USH2A: variants seen among roughly 807,000 people sequenced by gnomAD.
USH2A encodes usherin.
Under a neutral mutation model 538.9 loss-of-function variants are expected in USH2A, and 443 were observed. That is an observed-to-expected ratio of 0.82 (90% CI 0.76 to 0.89). USH2A has a LOEUF of 0.89. USH2A is among the 40% of genes least tolerant of loss of function. USH2A has a pLI of 0.00. For missense variants in USH2A, 6,633 were observed against 6,324.8 expected (o/e 1.05, Z -1.65); for synonymous variants, 2,413 against 2,273.5 (o/e 1.06, Z -1.75).
intron 15 of USH2A, among the ~76,000 whole-genome samples, chr1:216,214,277 A>G (rs999017440): frequency 6.6e-6 from 1 of 152,096 alleles, no homozygotes; most frequent in African/African-American, 2.4e-5. Context: ...TAGTAGACCA[A>G]TGCTGAAAAC....
chr1:215,691,709 G>A (rs1233958541), intron 61 of USH2A, among the ~76,000 whole-genome samples: 1 of 152,114 alleles, frequency 6.6e-6, no homozygotes, highest in Non-Finnish European at 1.5e-5. Context: ...CAGAGTCAAA[G>A]GCCTGCATCT....
At chr1:215,687,379 TCC>T (rs759091037) in intron 61 of USH2A, among the ~76,000 whole-genome samples, 5 of 151,478 alleles carry the variant, frequency 3.3e-5, no homozygotes, top group African/African-American at 9.7e-5. Context: ...GTTTTTTTTT[TCC>T]TCTCTTTAGA....
rs985871699 is a variant in USH2A at position 216,130,142 on chromosome 1, G to A, written c.4628-32929C>T. Reference sequence around the variant, plus strand: ...ACTGGAGAAACACTCCAGGACATTGGTTTGGGCAAAAATTTCTTTTATTTT... The same window carrying A: ...ACTGGAGAAACACTCCAGGACATTGATTTGGGCAAAAATTTCTTTTATTTT... On this transcript the variant is annotated intron_variant, in intron 21 of 71. Coordinates refer to ENST00000307340, the MANE Select transcript of USH2A (RefSeq NM_206933.4). 4.6e-5 allele frequency among the ~76,000 whole-genome samples: 7 copies of A among 151,960 alleles called. 1 individual carries two copies. Among genetic ancestry groups the A allele is most frequent in the Non-Finnish European group, 7.4e-5 (5 of 67,948 alleles).
chr1:216,125,851 C>T (rs1024753746), intron 21 of USH2A, among the ~76,000 whole-genome samples: 1 of 152,174 alleles, frequency 6.6e-6, no homozygotes, highest in Non-Finnish European at 1.5e-5. Flanking sequence ...TAGTTGATAT[C>T]TTCCTTAATT....
chr1:215,730,868 T>C lies in USH2A; in HGVS notation c.11712-2484A>G, dbSNP rs188107662. On this transcript the variant is annotated intron_variant, in intron 60 of 71. Coordinates refer to ENST00000307340, the MANE Select transcript of USH2A (RefSeq NM_206933.4). ...CAGTGAAGGTTTGCAGGGTTTGGCC[T>C]TTGTACTTGCTACAGATATCAGGTA... Among the ~76,000 whole-genome samples, 720 of 152,310 alleles carry C rather than the reference T, an allele frequency of 4.7e-3. 2 individuals carry two copies. The highest frequency in any genetic ancestry group is 0.017 in the African/African-American group (694 of 41,576).
At chr1:215,974,988 C>A (rs1193029655) in intron 35 of USH2A, among the ~76,000 whole-genome samples, 2 of 152,118 alleles carry the variant, frequency 1.3e-5, no homozygotes, top group Non-Finnish European at 2.9e-5. Context: ...TTCTTTGCAG[C>A]CTCGCCAGCA....
intron 40 of USH2A, among the ~76,000 whole-genome samples, chr1:215,895,727 A>G (rs142730895): frequency 1.0e-3 from 155 of 152,360 alleles, no homozygotes; most frequent in African/African-American, 3.7e-3. Context: ...ATGAGCAAAT[A>G]TAGCATGGCA....
chr1:216,417,844 G>T (rs2039603394), intron 3 of USH2A, among the ~76,000 whole-genome samples: 1 of 151,992 alleles, frequency 6.6e-6, no homozygotes, highest in African/African-American at 2.4e-5. Context: ...AATACACCTG[G>T]TTTGAAAGGC....
At chr1:216,010,043 C>T (rs983380557) in intron 32 of USH2A, among the ~76,000 whole-genome samples, 3 of 152,136 alleles carry the variant, frequency 2.0e-5, no homozygotes, top group African/African-American at 4.8e-5. Flanking sequence ...CATTTTATTA[C>T]CCAATCTGCT....
At chr1:216,324,820 T>A (rs1230830182) in intron 6 of USH2A, among the ~76,000 whole-genome samples, 1 of 152,168 alleles carries the variant, frequency 6.6e-6, no homozygotes, top group Non-Finnish European at 1.5e-5. Context: ...AAGGTTCAAT[T>A]GCCTAGTTCA....
chr1:215,719,433 T>C (rs1659590083), intron 61 of USH2A, among the ~76,000 whole-genome samples: 1 of 150,680 alleles, frequency 6.6e-6, no homozygotes, highest in Non-Finnish European at 1.5e-5. Context: ...CCTAATCCAG[T>C]ATTTGGAAAA....
chr1:216,374,320 G>T (rs1374042848), intron 3 of USH2A, among the ~76,000 whole-genome samples: 1 of 150,234 alleles, frequency 6.7e-6, no homozygotes, highest in African/African-American at 2.4e-5. Flanking sequence ...ATCTTTCCTT[G>T]GCTTTTCTGA....
chr1:216,097,071 T>C lies in USH2A; in HGVS notation c.4758+12A>G. 6.2e-7 allele frequency: 1 copy of C among 1,611,934 alleles called. No homozygotes were observed. Among genetic ancestry groups the C allele is most frequent in the Non-Finnish European group, 8.5e-7 (1 of 1,178,704 alleles). ...TTCTTAAAAATATTAAAGTTTATGA[T>C]TTCTCATTTACCTGAGGATCAAAAA... On this transcript the variant is annotated intron_variant, in intron 22 of 71. Coordinates refer to ENST00000307340, the MANE Select transcript of USH2A (RefSeq NM_206933.4).
chr1:216,324,026 A>G (rs1450729289), intron 7 of USH2A, 142 bp downstream of exon 7: 15 of 904,966 alleles, frequency 1.7e-5, no homozygotes, highest in Non-Finnish European at 2.3e-5. Context: ...TTTAAGCCCA[A>G]TTTAGGGATA....
chr1:215,918,863 G>A (rs187878116), intron 38 of USH2A, among the ~76,000 whole-genome samples: 41 of 152,118 alleles, frequency 2.7e-4, no homozygotes, highest in Admixed American at 5.2e-4. Context: ...TAGTAATTTA[G>A]TCACAAAATT....
At chr1:215,928,187 A>AT (rs201059667) in intron 38 of USH2A, among the ~76,000 whole-genome samples, 13 of 151,750 alleles carry the variant, frequency 8.6e-5, no homozygotes, top group South Asian at 6.2e-4. Flanking sequence ...AATAGCTAAG[A>AT]TTTTTTTTTA....
At chr1:216,036,663 T>C (rs2029993608) in intron 32 of USH2A, among the ~76,000 whole-genome samples, 1 of 152,190 alleles carries the variant, frequency 6.6e-6, no homozygotes. Context: ...TGCTAAATTC[T>C]AATTGCACAG....
At chr1:215,805,984 C>CAAAAAAAAAAA (rs57712355) in intron 49 of USH2A, among the ~76,000 whole-genome samples, 1 of 93,474 alleles carries the variant, frequency 1.1e-5, no homozygotes, top group African/African-American at 3.4e-5. Context: ...AAGACACAAT[C>CAAAAAAAAAAA]AAAAAAAAAA....
intron 55 of USH2A, among the ~76,000 whole-genome samples, chr1:215,777,636 T>C (rs1661502717): frequency 6.6e-6 from 1 of 152,248 alleles, no homozygotes; most frequent in African/African-American, 2.4e-5. Context: ...GTTATTTCTT[T>C]TCTTGTCAGT....
Sources: gnomAD v4.1 joint callset for allele counts (sites outside exome capture counted in the v4.1 genomes callset) on GRCh38, gnomAD v4.1.1 for gene constraint, MANE v1.5 for transcripts, NCBI Gene and HGNC (gene_info 2026-07-23, HGNC 2026-07-21) for gene names.